Variants in UVRAG observed in about 807,000 individuals in gnomAD.
UVRAG encodes UV radiation resistance associated.
In UVRAG, 19 loss-of-function variants were observed where a neutral mutation model predicts 78.0. That is an observed-to-expected ratio of 0.24 (90% CI 0.17 to 0.36). UVRAG has a LOEUF of 0.36. UVRAG is among the 10% of genes least tolerant of loss of function. The probability of loss-of-function intolerance (pLI) is 1.00; values close to 1 mark genes in which losing one functional copy is unlikely to be tolerated. For synonymous variants in UVRAG, 323 were observed against 324.6 expected (o/e 1.00, Z 0.05); for missense variants, 740 against 853.8 (o/e 0.87, Z 1.66).
intron 13 of UVRAG, among the ~76,000 whole-genome samples, chr11:76,103,801 C>A (rs531788412): frequency 3.9e-5 from 6 of 152,072 alleles, no homozygotes; most frequent in African/African-American, 1.4e-4. Flanking sequence ...GGAGGGAGTT[C>A]TGAGACACAA....
intron 6 of UVRAG, among the ~76,000 whole-genome samples, chr11:75,942,916 C>T (rs766528834): frequency 1.7e-4 from 26 of 152,082 alleles, no homozygotes; most frequent in Non-Finnish European, 2.8e-4. Context: ...GAAAAGCCAA[C>T]TAGACACAGT....
At chr11:75,842,442 CTTTT>C (rs11316075) in intron 1 of UVRAG, among the ~76,000 whole-genome samples, 3 of 134,222 alleles carry the variant, frequency 2.2e-5, no homozygotes, top group Non-Finnish European at 3.2e-5. Context: ...CCTTTTCTTT[CTTTT>C]TTTTTTTTTT....
At chr11:76,098,838 A>G (rs1445607480) in intron 13 of UVRAG, among the ~76,000 whole-genome samples, 1 of 152,182 alleles carries the variant, frequency 6.6e-6, no homozygotes, top group Non-Finnish European at 1.5e-5. Context: ...TGATTCACAC[A>G]TTATATAAAA....
At chr11:75,828,504 G>A (rs1294782607) in intron 1 of UVRAG, among the ~76,000 whole-genome samples, 1 of 149,662 alleles carries the variant, frequency 6.7e-6, no homozygotes, top group Non-Finnish European at 1.5e-5. Context: ...ATTAATTTTC[G>A]GAGACAAGGT....
At position 75,945,084 on chromosome 11, in the gene UVRAG, C is replaced by T. The variant is rs556171036; in HGVS notation, c.594-16360C>T. Among the ~76,000 whole-genome samples, 11 of 152,130 alleles carry T rather than the reference C, an allele frequency of 7.2e-5. No homozygotes were observed. The South Asian group carries it at 1.5e-3, about 20-fold the overall frequency. On this transcript the variant is annotated intron_variant, in intron 6 of 14. Transcript: ENST00000356136. ...AGGCAGTTTCCCAGGAGTTTTTCTA[C>T]GCTTGATATACATCTAAAAAAATAA...
chr11:76,127,782 C>A (rs1958825693), intron 14 of UVRAG, among the ~76,000 whole-genome samples: 1 of 152,042 alleles, frequency 6.6e-6, no homozygotes, highest in African/African-American at 2.4e-5. Context: ...CATGGTGAAA[C>A]CCCATCTGTA....
rs183442625 is a variant in UVRAG, at chr11:76,045,812, A to G, written c.1227-19898A>G. Among the ~76,000 whole-genome samples the G allele has an allele frequency of 1.6e-4, 24 of 152,246 alleles. No homozygotes were observed. In the East Asian group the frequency reaches 4.6e-3, roughly 29 times the overall value. ...ATCCAGATAGCAGTGAGTACAAAAAAGAAACAGAAAAGGGAAGGTAGGAAG... is the reference window on the plus strand; with the variant it reads ...ATCCAGATAGCAGTGAGTACAAAAAGGAAACAGAAAAGGGAAGGTAGGAAG... On this transcript the variant is annotated intron_variant, in intron 12 of 14. Transcript: ENST00000356136.
chr11:76,086,855 A>G (rs1215563886), intron 13 of UVRAG, among the ~76,000 whole-genome samples: 2 of 152,250 alleles, frequency 1.3e-5, no homozygotes, highest in Non-Finnish European at 2.9e-5. Flanking sequence ...AGCAGCTATT[A>G]TAACATGCTT....
At chr11:76,136,746 C>T (rs1016324635) in intron 14 of UVRAG, among the ~76,000 whole-genome samples, 1 of 151,796 alleles carries the variant, frequency 6.6e-6, no homozygotes, top group Non-Finnish European at 1.5e-5. Context: ...AGTCCTCCCA[C>T]CTTGGCCTCC....
chr11:76,080,006 CA>C, intron 13 of UVRAG, among the ~76,000 whole-genome samples: 1 of 152,244 alleles, frequency 6.6e-6, no homozygotes, highest in Admixed American at 6.5e-5. Flanking sequence ...CAACATCAAG[CA>C]AGCATCAACC....
chr11:75,990,003 A>G (rs1411094309), intron 8 of UVRAG, among the ~76,000 whole-genome samples: 1 of 152,184 alleles, frequency 6.6e-6, no homozygotes, highest in Non-Finnish European at 1.5e-5. Context: ...TGTATTTCAC[A>G]TAGTTGACAT....
At chr11:76,055,910 T>C (rs1950975254) in intron 12 of UVRAG, among the ~76,000 whole-genome samples, 1 of 152,096 alleles carries the variant, frequency 6.6e-6, no homozygotes, top group Non-Finnish European at 1.5e-5. Flanking sequence ...GGGGTTTCAC[T>C]GTGTTAGCCA....
intron 12 of UVRAG, among the ~76,000 whole-genome samples, chr11:76,018,566 G>A (rs1444859930): frequency 1.3e-5 from 2 of 151,936 alleles, no homozygotes; most frequent in South Asian, 2.1e-4. Flanking sequence ...GCACCAGCAC[G>A]CCCAGCTAAT....
rs866004942 is a variant in UVRAG at position 75,844,442 on chromosome 11, G to A, written c.118-7441G>A. On this transcript the variant is annotated intron_variant, in intron 1 of 14. Transcript: ENST00000356136. ...GGGGTTTCACTGTGTTAGCCAGATG[G>A]TCTTGATCTCCTGACCTCGTGATCT... 4.6e-5 allele frequency among the ~76,000 whole-genome samples: 7 copies of A among 152,026 alleles called. No homozygotes were observed. In the South Asian group the frequency reaches 1.2e-3, roughly 27 times the overall value.
chr11:75,815,459 C>T lies in UVRAG; in HGVS notation c.52C>T (p.Pro18Ser), dbSNP rs965232042. 4.0e-5 allele frequency: 50 copies of T among 1,248,544 alleles called. No individual in the cohort carries two copies. The African/African-American group carries it at 6.8e-4, about 17-fold the overall frequency. The allele number at this position is 1,248,544 out of a possible 1,614,324, so 77.3% of individuals were successfully genotyped here. ...CCCCGTCCCCCAGCCACCCCCGGGC[C>T]CGGCCGCTGCTCTGCCTCCCGGTTC... is the stretch of plus-strand genomic sequence containing the variant. ...GGPVPQPPPG[P>S]AAALPPGSAA... The change falls in exon 1 of 15, where the codon CCG (proline) becomes TCG (serine). Residue 18 changes from proline (P) to serine (S), a missense_variant. Coordinates refer to ENST00000356136, the MANE Select transcript of UVRAG (RefSeq NM_003369.4).
At chr11:75,877,906 G>A (rs1156877448) in intron 3 of UVRAG, among the ~76,000 whole-genome samples, 4 of 145,640 alleles carry the variant, frequency 2.7e-5, no homozygotes, top group Non-Finnish European at 6.1e-5. Context: ...CTGGCCTGGC[G>A]GGGGGCTGAC....
intron 12 of UVRAG, among the ~76,000 whole-genome samples, chr11:76,029,455 T>G (rs1347911694): frequency 6.6e-6 from 1 of 152,158 alleles, no homozygotes; most frequent in Non-Finnish European, 1.5e-5. Context: ...CTGGACAGTA[T>G]TCACCATTCT....
intron 4 of UVRAG, among the ~76,000 whole-genome samples, chr11:75,884,830 C>T (rs905247634): frequency 2.6e-5 from 4 of 152,052 alleles, no homozygotes; most frequent in Non-Finnish European, 4.4e-5. Context: ...ATGAGTTCTT[C>T]AACTTTGTTC....
intron 13 of UVRAG, among the ~76,000 whole-genome samples, chr11:76,073,660 G>A (rs542214271): frequency 2.6e-5 from 4 of 152,230 alleles, no homozygotes; most frequent in South Asian, 2.1e-4. Flanking sequence ...GAAATCATAC[G>A]TAGGTAAAGA....
Sources: gnomAD v4.1 joint callset for allele counts (sites outside exome capture counted in the v4.1 genomes callset) on GRCh38, gnomAD v4.1.1 for gene constraint, MANE v1.5 for transcripts, NCBI Gene and HGNC (gene_info 2026-07-23, HGNC 2026-07-21) for gene names.